Variants in SORCS1 observed in about 807,000 individuals in gnomAD.
SORCS1 encodes sortilin related VPS10 domain containing receptor 1.
SORCS1 carries 60 observed loss-of-function variants against 146.1 expected under a neutral mutation model. The ratio of observed to expected loss-of-function variants is 0.41; its 90% CI spans 0.33 to 0.51. The LOEUF is 0.51. SORCS1 is among the 20% of genes least tolerant of loss of function. The pLI, the probability that SORCS1 is intolerant of heterozygous loss-of-function variation, is 0.21. For missense variants in SORCS1, 1,352 were observed against 1,487.6 expected, an observed-to-expected ratio of 0.91 and a Z score of 1.50; for synonymous variants, 637 against 584.0, an observed-to-expected ratio of 1.09 and a Z score of -1.31.
intron 1 of SORCS1, among the ~76,000 whole-genome samples, chr10:106,970,902 C>A (rs988171729): frequency 1.6e-5 from 2 of 128,630 alleles, no homozygotes; most frequent in African/African-American, 5.5e-5. Context: ...CCATGCACAG[C>A]TAATTTTTTT....
At chr10:107,176,434 C>CA in the SORCS1 span, among the ~76,000 whole-genome samples, 1 of 151,680 alleles carries the variant, frequency 6.6e-6, no homozygotes, top group African/African-American at 2.4e-5. Flanking sequence ...CTTCTGGACT[C>CA]AAGTGATCAT....
At chr10:106,630,576 C>T (rs1055941550) in intron 18 of SORCS1, among the ~76,000 whole-genome samples, 2 of 152,144 alleles carry the variant, frequency 1.3e-5, no homozygotes, top group Non-Finnish European at 2.9e-5. Context: ...AGACTTCATG[C>T]AAGTCATTCA....
intron 22 of SORCS1, among the ~76,000 whole-genome samples, chr10:106,608,031 C>T (rs1846728581): frequency 6.6e-6 from 1 of 152,204 alleles, no homozygotes; most frequent in Non-Finnish European, 1.5e-5. Flanking sequence ...TGTTCTCTCT[C>T]TTGAGCTTAT....
At position 106,673,006 on chromosome 10, in the gene SORCS1, A is replaced by C. The variant is rs750623591; in HGVS notation, c.1941-21T>G. On this transcript the variant is annotated intron_variant, in intron 14 of 25. Transcript: ENST00000263054. The stretch of plus-strand genomic sequence containing the variant: ...ACACTCTACAGAGTTCATGGTGATA[A>C]AAATAATTACAATGATAACAATGTA... 5.7e-6 allele frequency: 9 copies of C among 1,588,730 alleles called. No individual in the cohort carries two copies. In the South Asian group the frequency reaches 8.9e-5, roughly 16 times the overall value.
chr10:107,020,483 A>G (rs1958081537), intron 1 of SORCS1, among the ~76,000 whole-genome samples: 1 of 152,236 alleles, frequency 6.6e-6, no homozygotes, highest in African/African-American at 2.4e-5. Flanking sequence ...GACACAGAAC[A>G]AAGCTTTAGG....
At chr10:107,038,696 C>CGGGGAGGGGGGGG (rs1959024782) in intron 1 of SORCS1, among the ~76,000 whole-genome samples, 1 of 149,886 alleles carries the variant, frequency 6.7e-6, no homozygotes, top group African/African-American at 2.5e-5. Context: ...GGGCAGGGGG[C>CGGGGAGGGGGGGG]GGGGGGGGAG....
chr10:106,705,031 T>G (rs921606913), intron 8 of SORCS1, among the ~76,000 whole-genome samples: 4 of 152,202 alleles, frequency 2.6e-5, no homozygotes, highest in Non-Finnish European at 4.4e-5. Flanking sequence ...GTTTTCCTTT[T>G]ACATAGTGAT....
chr10:106,845,167 A>G (rs888717574), intron 2 of SORCS1, among the ~76,000 whole-genome samples: 2 of 108,710 alleles, frequency 1.8e-5, no homozygotes, highest in Admixed American at 1.9e-4. Context: ...ACTGACTTCC[A>G]CAATGGTTGA....
chr10:107,009,482 T>G (rs1361420270), intron 1 of SORCS1, among the ~76,000 whole-genome samples: 1 of 152,256 alleles, frequency 6.6e-6, no homozygotes, highest in East Asian at 1.9e-4. Flanking sequence ...AAATCACTAC[T>G]TTTCTGTTTC....
intron 3 of SORCS1, among the ~76,000 whole-genome samples, chr10:106,801,752 G>C (rs749398747): frequency 6.6e-6 from 1 of 152,026 alleles, no homozygotes; most frequent in Non-Finnish European, 1.5e-5. Flanking sequence ...GGACGGTCTC[G>C]ATCTCCTGAC....
chr10:106,807,324 T>C (rs1947238963), intron 3 of SORCS1, among the ~76,000 whole-genome samples: 1 of 152,182 alleles, frequency 6.6e-6, no homozygotes, highest in Non-Finnish European at 1.5e-5. Flanking sequence ...TGGTAAACTG[T>C]CTTTTTTGAA....
chr10:107,008,806 G>A (rs1479211348), intron 1 of SORCS1, among the ~76,000 whole-genome samples: 1 of 152,232 alleles, frequency 6.6e-6, no homozygotes, highest in East Asian at 1.9e-4. Context: ...GATCATCCTG[G>A]CCAACATGGT....
At chr10:106,933,638 G>GC (rs987139952) in intron 2 of SORCS1, among the ~76,000 whole-genome samples, 102 of 151,938 alleles carry the variant, frequency 6.7e-4, no homozygotes, top group African/African-American at 2.4e-3. Flanking sequence ...TATCCAGGAT[G>GC]CCCCCCCACC....
At chr10:106,820,327 C>T (rs1305442136) in intron 3 of SORCS1, among the ~76,000 whole-genome samples, 1 of 152,148 alleles carries the variant, frequency 6.6e-6, no homozygotes, top group Admixed American at 6.6e-5. Context: ...TACCTACAAG[C>T]TATAGTTTTT....
At chr10:107,048,873 C>T (rs1047690206) in intron 1 of SORCS1, among the ~76,000 whole-genome samples, 17 of 151,962 alleles carry the variant, frequency 1.1e-4, no homozygotes, top group African/African-American at 1.7e-4. Flanking sequence ...ATGACAGTAG[C>T]GGTAAATTTG....
At chr10:106,665,835 T>G (rs1711702734) in intron 17 of SORCS1, among the ~76,000 whole-genome samples, 1 of 152,068 alleles carries the variant, frequency 6.6e-6, no homozygotes, top group Non-Finnish European at 1.5e-5. Flanking sequence ...TTCTGTGGGT[T>G]TTTTGTTTGT....
chr10:106,841,573 T>C (rs950570594), intron 2 of SORCS1, among the ~76,000 whole-genome samples: 1 of 152,190 alleles, frequency 6.6e-6, no homozygotes, highest in South Asian at 2.1e-4. Context: ...TTATATGCAC[T>C]GAGAAAGCAA....
At chr10:107,036,084 G>A (rs914864330) in intron 1 of SORCS1, among the ~76,000 whole-genome samples, 7 of 151,816 alleles carry the variant, frequency 4.6e-5, no homozygotes, top group African/African-American at 1.7e-4. Flanking sequence ...GAAATTAAAA[G>A]CCCATCTGTA....
intron 2 of SORCS1, among the ~76,000 whole-genome samples, chr10:106,861,608 T>C (rs921692543): frequency 1.3e-5 from 2 of 152,066 alleles, no homozygotes; most frequent in African/African-American, 4.8e-5. Flanking sequence ...ATACCCTCAA[T>C]TGGCCGGGCG....
Sources: gnomAD v4.1 joint callset for allele counts (sites outside exome capture counted in the v4.1 genomes callset) on GRCh38, gnomAD v4.1.1 for gene constraint, MANE v1.5 for transcripts, NCBI Gene and HGNC (gene_info 2026-07-23, HGNC 2026-07-21) for gene names.